Variants in CHD5 observed in about 807,000 individuals in gnomAD.
The protein encoded by CHD5 is ATP-dependent chromatin remodeler CHD5.
A neutral mutation model predicts 230.3 loss-of-function variants in CHD5; 69 were observed. The ratio of observed to expected loss-of-function variants is 0.30; its 90% CI spans 0.25 to 0.37. The LOEUF is 0.37. Among genes scored for constraint, CHD5 ranks in the 10% least tolerant of loss-of-function variants. The probability of loss-of-function intolerance (pLI) is 1.00; values close to 1 mark genes in which losing one functional copy is unlikely to be tolerated. For missense variants in CHD5, 1,827 were observed against 2,622.8 expected (o/e 0.70, Z 6.63); for synonymous variants, 1,064 against 1,065.9 (o/e 1.00, Z 0.03).
At position 6,154,410 on chromosome 1, in the gene CHD5, G is replaced by C. The variant is rs1409412315; in HGVS notation, c.745+250C>G. 6.6e-6 allele frequency among the ~76,000 whole-genome samples: 1 copy of C among 152,132 alleles called. No individual in the cohort carries two copies. The highest frequency in any genetic ancestry group is 1.5e-5 in the Non-Finnish European group (1 of 68,026). On this transcript the variant is annotated intron_variant, in intron 5 of 41. Transcript: ENST00000262450. This position sits in a 1 kb window ranked among gnomAD's most constrained non-coding sequence, Gnocchi z 7.0. ...TGGCTGGCCAGGCTCAAACCTCCCA[G>C]ACCTCTGCCCACATCATCGCCTCTG... is the stretch of plus-strand genomic sequence containing the variant.
rs886909847 is a variant in CHD5, at chr1:6,135,111, G to C, written c.2870+119C>G. 1.2e-5 allele frequency: 14 copies of C among 1,212,596 alleles called. No individual in the cohort carries two copies. In the African/African-American group the frequency reaches 1.6e-4, roughly 14 times the overall value. The allele number at this position is 1,212,596 out of a possible 1,614,324, so 75.1% of individuals were successfully genotyped here. A position where few individuals can be genotyped will look rare whatever the true frequency, so the allele number is the denominator to read the frequency against. Reference sequence around the variant, plus strand: ...GCCCCACGAAGAAAGTGTATGCAAAGCATTAGCCGAGACCTCAGTGAGGCT... The same window carrying C: ...GCCCCACGAAGAAAGTGTATGCAAACCATTAGCCGAGACCTCAGTGAGGCT... On this transcript the variant is annotated intron_variant, in intron 18 of 41. Transcript: ENST00000262450.
chr1:6,127,665 G>A (rs1455446429), intron 25 of CHD5, among the ~76,000 whole-genome samples: 1 of 152,172 alleles, frequency 6.6e-6, no homozygotes, highest in Non-Finnish European at 1.5e-5. Context: ...TTCAGAGAGT[G>A]GGGAAGCTGG....
At chr1:6,127,488 G>GAA (rs60445684) in intron 25 of CHD5, among the ~76,000 whole-genome samples, 17,326 of 140,976 alleles carry the variant, frequency 0.12, 1,197 homozygotes, top group East Asian at 0.35. Flanking sequence ...TCCATTTCAA[G>GAA]AAAAAAAAAA....
In CHD5 at chr1:6,125,133, C is replaced by T. The variant is rs1405522150; in HGVS notation, c.4361G>A (p.Arg1454Gln). The T allele has an allele frequency of 1.2e-6, 2 of 1,602,078 alleles. No homozygotes were observed. Among genetic ancestry groups the T allele is most frequent in the Non-Finnish European group, 1.7e-6 (2 of 1,174,740 alleles). ...QDAFNSHWLV[R>Q]DLRGKSEKEF... is the part of the protein sequence containing the mutation. ...CTTCTCGCTCTTCCCTCGAAGGTCCCGCACCAGCCAGTGGGAGTTGAAGGC... is the reference window on the plus strand; with the variant it reads ...CTTCTCGCTCTTCCCTCGAAGGTCCTGCACCAGCCAGTGGGAGTTGAAGGC... Residue 1454 changes from arginine (R) to glutamine (Q), a missense_variant, in exon 29 of 42, where the codon CGG (arginine) becomes CAG (glutamine). Arg to Gln is a conservative substitution (Grantham distance 43, BLOSUM62 1). Around this residue, in one of 14 missense-constraint regions of CHD5, gnomAD observed 108 missense variants for 152.4 expected, o/e 0.71. Transcript: ENST00000262450. The surrounding 1 kb of genome is among the most constrained non-coding windows in gnomAD (Gnocchi z 6.7).
chr1:6,121,640 G>A lies in CHD5; in HGVS notation c.4700-67C>T, dbSNP rs1666473348. On this transcript the variant is annotated intron_variant, in intron 31 of 41. Coordinates refer to ENST00000262450, the MANE Select transcript of CHD5 (RefSeq NM_015557.3). The surrounding 1 kb of genome is among the most constrained non-coding windows in gnomAD (Gnocchi z 4.5). ...CGGGAAGGAGTAGGGCAGGGAGTGG[G>A]GTGGCAGAGAGGAGAGATGGGGGCT... The A allele has an allele frequency of 8.2e-7, 1 of 1,214,072 alleles. No homozygotes were observed. The highest frequency in any genetic ancestry group is 1.2e-6 in the Non-Finnish European group (1 of 842,882). The allele number at this position is 1,214,072 out of a possible 1,614,324, so 75.2% of individuals were successfully genotyped here.
In CHD5 at chr1:6,106,697, C is replaced by T. The variant is rs945993499; in HGVS notation, c.5661G>A (p.Pro1887=). ...CCGACATCTGCAGCCGGGCGGCCAC[C>T]GGGGGGATGCGGGACAGCATGGATG... ...RLPSMLSRIP[P]VAARLQMSER... Residue 1887 remains proline, a synonymous_variant, in exon 39 of 42, where the codon CCG becomes CCA. Coordinates refer to ENST00000262450, the MANE Select transcript of CHD5 (RefSeq NM_015557.3). The T allele has an allele frequency of 1.3e-5, 21 of 1,611,556 alleles. No homozygotes were observed. Among genetic ancestry groups the T allele is most frequent in the South Asian group, 6.6e-5 (6 of 90,916 alleles).
chr1:6,110,083 C>A (rs1467819612), intron 37 of CHD5, 93 bp from the exon 38 acceptor site: 4 of 1,214,368 alleles, frequency 3.3e-6, no homozygotes, highest in Non-Finnish European at 4.5e-6. Context: ...AGGCTCCCGG[C>A]AGAAAGGAGG....
At chr1:6,149,224 C>A (rs970231150) in intron 8 of CHD5, 22 bp downstream of exon 8, 2 of 1,558,880 alleles carry the variant, frequency 1.3e-6, no homozygotes, top group Non-Finnish European at 1.7e-6. Flanking sequence ...CGCCCCCAGC[C>A]CGGGGCTCTG....
chr1:6,135,522 C>A lies in CHD5; in HGVS notation c.2697-119G>T. The A allele has an allele frequency of 3.7e-6, 3 of 813,290 alleles. 1 individual carries two copies. The South Asian group carries it at 5.3e-5, about 14-fold the overall frequency. The allele number at this position is 813,290 out of a possible 1,614,324, so 50.4% of individuals were successfully genotyped here. A position where few individuals can be genotyped will look rare whatever the true frequency, so the allele number is the denominator to read the frequency against. ...GGTGAACCAGGGAGCCCTGGCATTG[C>A]CCTGGATATCGTCTCAATTTCTGTC... On this transcript the variant is annotated intron_variant, in intron 17 of 41. Transcript: ENST00000262450.
intron 33 of CHD5, among the ~76,000 whole-genome samples, chr1:6,115,105 G>C (rs1205930758): frequency 6.6e-6 from 1 of 151,854 alleles, no homozygotes; most frequent in Non-Finnish European, 1.5e-5. Flanking sequence ...GAGATCAGGA[G>C]ATCGAGACCA....
intron 34 of CHD5, among the ~76,000 whole-genome samples, chr1:6,112,704 G>A (rs936877270): frequency 4.6e-5 from 7 of 152,218 alleles, no homozygotes; most frequent in African/African-American, 1.7e-4. Flanking sequence ...CAAGGGCACA[G>A]CAGGGCTCAG....
chr1:6,160,426 G>A (rs575537683), intron 2 of CHD5, among the ~76,000 whole-genome samples: 7 of 129,198 alleles, frequency 5.4e-5, no homozygotes, highest in African/African-American at 2.2e-4. Flanking sequence ...GCCCCAGCCA[G>A]AGAAGGAGAG....
At chr1:6,163,387 C>T in intron 2 of CHD5, among the ~76,000 whole-genome samples, 1 of 152,200 alleles carries the variant, frequency 6.6e-6, no homozygotes, top group East Asian at 1.9e-4. Flanking sequence ...ACATGGAGCC[C>T]GCACAGCTGG....
In CHD5 at chr1:6,159,216, G is replaced by A. The variant is rs966283123; in HGVS notation, c.387+120C>T. Reference sequence around the variant, plus strand: ...CACTGCACTCCAGCCTGGCAACAGAGTGAGACTCCATCACACACACACACA... The same window carrying A: ...CACTGCACTCCAGCCTGGCAACAGAATGAGACTCCATCACACACACACACA... On this transcript the variant is annotated intron_variant, in intron 3 of 41. Transcript: ENST00000262450. 4.1e-6 allele frequency: 6 copies of A among 1,461,912 alleles called. No individual in the cohort carries two copies. The African/African-American group carries it at 4.6e-5, about 11-fold the overall frequency. 90.6% of individuals were successfully genotyped at this position (1,461,912 alleles called of 1,614,324 possible).
At chr1:6,152,345 T>C (rs1245287038) in intron 6 of CHD5, 67 bp downstream of exon 6, 6 of 1,552,694 alleles carry the variant, frequency 3.9e-6, no homozygotes. Flanking sequence ...GCCTGGCCCT[T>C]GCGTGCTCAT....
intron 31 of CHD5, among the ~76,000 whole-genome samples, chr1:6,122,640 C>G (rs567263448): frequency 6.6e-6 from 1 of 152,304 alleles, no homozygotes; most frequent in African/African-American, 2.4e-5. Flanking sequence ...TAGATATCTG[C>G]CCAAAAGAAC....
rs1666871126 is a variant in CHD5, at chr1:6,143,945, T to C, written c.1935-14A>G. On this transcript the variant is annotated splice_polypyrimidine_tract_variant and intron_variant, in intron 12 of 41. Transcript: ENST00000262450. ...AGCATCAGCTCCCTGGGAAACGGCATTGGAGGCAGGTGAGCAAGGCTCAGC... is the reference window on the plus strand; with the variant it reads ...AGCATCAGCTCCCTGGGAAACGGCACTGGAGGCAGGTGAGCAAGGCTCAGC... 3.7e-6 allele frequency: 6 copies of C among 1,613,962 alleles called. No homozygotes were observed. Among genetic ancestry groups the C allele is most frequent in the Non-Finnish European group, 5.1e-6 (6 of 1,180,020 alleles).
chr1:6,130,551 A>G lies in CHD5; in HGVS notation c.3263-223T>C, dbSNP rs1883764. ...TAGCCCCCAGCGAGCTCTGAGCCCT[A>G]GTGCAGTGGGAGGGCACTGGAACGA... On this transcript the variant is annotated intron_variant, in intron 21 of 41. Transcript: ENST00000262450. This position sits in a 1 kb window ranked among gnomAD's most constrained non-coding sequence, Gnocchi z 4.9. 0.52 allele frequency among the ~76,000 whole-genome samples: 79,224 copies of G among 151,908 alleles called. 21,210 individuals carry two copies. The highest frequency in any genetic ancestry group is 0.81 in the East Asian group (4,187 of 5,164).
chr1:6,120,917 G>A (rs1666459478), intron 33 of CHD5, among the ~76,000 whole-genome samples, 188 bp downstream of exon 33: 1 of 149,514 alleles, frequency 6.7e-6, no homozygotes, highest in Admixed American at 6.6e-5. Context: ...AAAAAAAAAA[G>A]TCCATTAAGT....
Sources: allele counts gnomAD v4.1 joint callset (sites outside exome capture counted in the v4.1 genomes callset), GRCh38; gene constraint gnomAD v4.1.1; regional missense constraint gnomAD v4.1.1; non-coding constraint Gnocchi (gnomAD v3.1); transcripts MANE v1.5; gene names NCBI Gene and HGNC (gene_info 2026-07-23, HGNC 2026-07-21).